The following PLXDC2 variants were observed in gnomAD, a reference collection of about 807,000 sequenced individuals.
PLXDC2 encodes plexin domain containing 2, also known as plexin domain-containing protein 2.
In PLXDC2, 40 loss-of-function variants were observed where a neutral mutation model predicts 68.9. The ratio of observed to expected loss-of-function variants is 0.58; its 90% CI spans 0.45 to 0.76. The LOEUF (loss-of-function observed/expected upper bound fraction) is 0.76, where lower values mean the gene tolerates loss of function less well. Ranked by LOEUF, PLXDC2 falls within the 30% of genes least tolerant of loss-of-function variation. PLXDC2 has a pLI of 0.00. For synonymous variants in PLXDC2, 243 were observed against 234.2 expected, an observed-to-expected ratio of 1.04 and a Z score of -0.34; for missense variants, 644 against 661.9, an observed-to-expected ratio of 0.97 and a Z score of 0.30.
chr10:20,201,072 C>T (rs1051988555), intron 9 of PLXDC2, among the ~76,000 whole-genome samples: 2 of 152,090 alleles, frequency 1.3e-5, no homozygotes, highest in African/African-American at 4.8e-5. Context: ...GAGACATCTC[C>T]ACTCCCATGT....
chr10:20,265,864 A>AG (rs1309828866), intron 13 of PLXDC2, among the ~76,000 whole-genome samples: 1 of 152,184 alleles, frequency 6.6e-6, no homozygotes, highest in Non-Finnish European at 1.5e-5. Flanking sequence ...ATTTAAGCCA[A>AG]GGCTTTTGAC....
rs560240224 is a variant in PLXDC2, at chr10:20,282,012, G to A, written c.*2193G>A. On this transcript the variant is annotated 3_prime_UTR_variant, in exon 14 of 14. Coordinates refer to ENST00000377252, the MANE Select transcript of PLXDC2 (RefSeq NM_032812.9). ...AGTAATGTTATTCTTATACCCTTCA[G>A]CGTTCTATTTTGATTCAAAACAATT... The A allele has an allele frequency of 3.3e-5, 5 of 152,086 alleles. No homozygotes were observed. Among genetic ancestry groups the A allele is most frequent in the African/African-American group, 1.2e-4 (5 of 41,512 alleles). 9.4% of individuals were successfully genotyped at this position (152,086 alleles called of 1,614,324 possible).
intron 13 of PLXDC2, among the ~76,000 whole-genome samples, chr10:20,248,100 T>C (rs559232973): frequency 6.6e-6 from 1 of 152,320 alleles, no homozygotes; most frequent in South Asian, 2.1e-4. Context: ...GTTTAAGCCT[T>C]TTCAAACTGT....
intron 2 of PLXDC2, among the ~76,000 whole-genome samples, chr10:20,028,018 G>C (rs1374288650): frequency 6.6e-6 from 1 of 152,206 alleles, no homozygotes; most frequent in African/African-American, 2.4e-5. Flanking sequence ...ATTGACAGAA[G>C]TGAAATTCTT....
At position 19,995,513 on chromosome 10, in the gene PLXDC2, C is replaced by G. The variant is rs547613631; in HGVS notation, c.113-6262C>G. Among the ~76,000 whole-genome samples the G allele has an allele frequency of 7.9e-5, 12 of 152,262 alleles. No homozygotes were observed. In the East Asian group the frequency reaches 2.3e-3, roughly 29 times the overall value. ...TAGCATGTACCAAAATTCCAGACTCCCAGAAGGAAGGAAGGTGTTCAGCAT... is the reference window on the plus strand; with the variant it reads ...TAGCATGTACCAAAATTCCAGACTCGCAGAAGGAAGGAAGGTGTTCAGCAT... On this transcript the variant is annotated intron_variant, in intron 1 of 13. Coordinates refer to ENST00000377252, the MANE Select transcript of PLXDC2 (RefSeq NM_032812.9).
chr10:20,281,891 T>C lies in PLXDC2; in HGVS notation c.*2072T>C, dbSNP rs1238561381. On this transcript the variant is annotated 3_prime_UTR_variant, in exon 14 of 14. Transcript: ENST00000377252. ...ATGCTTCTTTCACTACCTTTTGTGG[T>C]AGCTGTGGCTTCCAATAGCAACTGT... 2.3e-4 allele frequency: 35 copies of C among 152,184 alleles called. 3 individuals are homozygous for C. The highest frequency in any genetic ancestry group is 2.3e-3 in the Admixed American group (35 of 15,268). The allele number at this position is 152,184 out of a possible 1,614,324, so 9.4% of individuals were successfully genotyped here.
chr10:19,959,022 C>G (rs989597849), intron 1 of PLXDC2, among the ~76,000 whole-genome samples: 1 of 152,146 alleles, frequency 6.6e-6, no homozygotes, highest in Admixed American at 6.5e-5. Context: ...GAAGTTGAAA[C>G]AGAAAGCAAC....
chr10:20,271,853 G>A (rs1835945065), intron 13 of PLXDC2, among the ~76,000 whole-genome samples: 1 of 152,166 alleles, frequency 6.6e-6, no homozygotes, highest in South Asian at 2.1e-4. Context: ...AGAAGGGATG[G>A]AAGTGGATAT....
chr10:20,012,281 A>G (rs1331703289), intron 2 of PLXDC2, among the ~76,000 whole-genome samples: 1 of 146,844 alleles, frequency 6.8e-6, no homozygotes. Flanking sequence ...ATAAGGGGAT[A>G]AGAGTCTCTC....
At chr10:20,150,260 A>G (rs1344874594) in intron 6 of PLXDC2, among the ~76,000 whole-genome samples, 7 of 152,124 alleles carry the variant, frequency 4.6e-5, no homozygotes, top group Non-Finnish European at 1.0e-4. Context: ...TTTTGTTTCA[A>G]TAGGTTTTGG....
chr10:19,938,850 T>C (rs1400613782), intron 1 of PLXDC2, among the ~76,000 whole-genome samples: 2 of 152,150 alleles, frequency 1.3e-5, no homozygotes, highest in Non-Finnish European at 2.9e-5. Context: ...GCAAAATTAA[T>C]TGGAGCAGGA....
At chr10:20,024,970 G>A (rs1417750441) in intron 2 of PLXDC2, among the ~76,000 whole-genome samples, 1 of 152,026 alleles carries the variant, frequency 6.6e-6, no homozygotes, top group Non-Finnish European at 1.5e-5. Context: ...ATCCACCATC[G>A]ATGGGCACCT....
At chr10:19,872,703 G>C (rs1014727896) in intron 1 of PLXDC2, among the ~76,000 whole-genome samples, 2 of 152,224 alleles carry the variant, frequency 1.3e-5, no homozygotes, top group South Asian at 4.2e-4. Flanking sequence ...GGCAGAGTTA[G>C]AGACAGGGTG....
intron 4 of PLXDC2, among the ~76,000 whole-genome samples, chr10:20,070,252 A>C (rs911448570): frequency 2.0e-5 from 3 of 152,226 alleles, no homozygotes; most frequent in Non-Finnish European, 4.4e-5. Flanking sequence ...TGTGTGTATA[A>C]TACATTAAAG....
intron 3 of PLXDC2, 79 bp downstream of exon 3, chr10:20,047,094 T>C: frequency 8.7e-6 from 12 of 1,379,998 alleles, no homozygotes; most frequent in Non-Finnish European, 1.2e-5. Context: ...ACCATTTCTT[T>C]TATGAGTTTG....
intron 2 of PLXDC2, among the ~76,000 whole-genome samples, chr10:20,019,431 G>T (rs531913651): frequency 1.3e-5 from 2 of 152,246 alleles, no homozygotes; most frequent in Non-Finnish European, 2.9e-5. Context: ...TTTTCTGCTG[G>T]TTCCTGGTAA....
chr10:20,244,815 CTAGAA>C (rs1835566632), intron 12 of PLXDC2, among the ~76,000 whole-genome samples: 1 of 152,092 alleles, frequency 6.6e-6, no homozygotes, highest in African/African-American at 2.4e-5. Flanking sequence ...GCTTATCAAA[CTAGAA>C]ATTTTAAAAC....
intron 13 of PLXDC2, among the ~76,000 whole-genome samples, chr10:20,256,003 T>C (rs370725209): frequency 1.5e-4 from 23 of 152,248 alleles, no homozygotes; most frequent in African/African-American, 4.8e-4. Context: ...TGTCTATACT[T>C]TCTACTTTCA....
rs1479203939 is a variant in PLXDC2, at chr10:20,250,112, AC to A, written c.1473+4608del. On this transcript the variant is annotated intron_variant, in intron 13 of 13. Transcript: ENST00000377252. Reference sequence around the variant, plus strand: ...GTGAAACCCCATCTCTACTAAAAATACAAAAATTAGCCAGGCATGGTGGTAC... The same window carrying A: ...GTGAAACCCCATCTCTACTAAAAATAAAAAATTAGCCAGGCATGGTGGTAC... Among the ~76,000 whole-genome samples, 5 of 152,150 alleles carry A rather than the reference AC, an allele frequency of 3.3e-5. No individual in the cohort carries two copies. In the East Asian group the frequency reaches 9.7e-4, roughly 30 times the overall value.
Sources: allele counts gnomAD v4.1 joint callset (sites outside exome capture counted in the v4.1 genomes callset), GRCh38; gene constraint gnomAD v4.1.1; transcripts MANE v1.5; gene names NCBI Gene and HGNC (gene_info 2026-07-23, HGNC 2026-07-21).